The following NAA20 variants were observed in gnomAD, a reference collection of about 807,000 sequenced individuals.
The protein encoded by NAA20 is N-alpha-acetyltransferase 20, NatB catalytic subunit.
NAA20 carries 24 observed loss-of-function variants against 23.8 expected under a neutral mutation model. The observed-to-expected ratio is 1.01, with a 90% CI of 0.73 to 1.42. The LOEUF is 1.42. Among genes scored for constraint, NAA20 ranks in the 40% most tolerant of loss-of-function variants. NAA20 has a pLI of 0.00. For synonymous variants in NAA20, 83 were observed against 77.7 expected (o/e 1.07, Z -0.36); for missense variants, 166 against 223.1 (o/e 0.74, Z 1.63).
rs531623994 is a variant in NAA20 at position 20,021,808 on chromosome 20, G to C, written c.54-648G>C. On this transcript the variant is annotated intron_variant, in intron 1 of 5. Coordinates refer to ENST00000334982, the MANE Select transcript of NAA20 (RefSeq NM_016100.5). ...ATAGTGGCTCCATTAATTGACTAGGGAAGTGAGGGGATGGAGATGGGTTTT... is the reference window on the plus strand; with the variant it reads ...ATAGTGGCTCCATTAATTGACTAGGCAAGTGAGGGGATGGAGATGGGTTTT... Among the ~76,000 whole-genome samples, 148 of 152,324 alleles carry C rather than the reference G, an allele frequency of 9.7e-4. 3 individuals are homozygous for C. The South Asian group carries it at 0.029, about 30-fold the overall frequency.
At chr20:20,018,903 G>T in intron 1 of NAA20, 1 of 985,424 alleles carries the variant, frequency 1.0e-6, no homozygotes, top group Non-Finnish European at 1.2e-6. Flanking sequence ...TTCATCCAAG[G>T]ATATTGGCTC....
At chr20:20,032,251 A>G (rs2043348876) in intron 4 of NAA20, among the ~76,000 whole-genome samples, 1 of 151,848 alleles carries the variant, frequency 6.6e-6, no homozygotes, top group African/African-American at 2.4e-5. Flanking sequence ...CCTTGAGTTT[A>G]TCTTTTAAGA....
intron 1 of NAA20, chr20:20,018,040 T>C (rs1892958030): frequency 6.2e-7 from 1 of 1,614,204 alleles, no homozygotes; most frequent in Non-Finnish European, 8.5e-7. Context: ...GTCTCAGTCA[T>C]GGTTAGTGTT....
chr20:20,021,865 A>G (rs1401710097), intron 1 of NAA20, among the ~76,000 whole-genome samples: 1 of 152,170 alleles, frequency 6.6e-6, no homozygotes, highest in Non-Finnish European at 1.5e-5. Flanking sequence ...GTGTGCTGGG[A>G]TGTGCTGGTG....
rs951706514 is a variant in NAA20 at position 20,032,662 on chromosome 20, C to T, written c.451+9C>T. ...TGATGAGGACGCTTATGGTAAGCTC[C>T]CTTCCATGGCAGTATCCCCAAGAAG... On this transcript the variant is annotated intron_variant, in intron 5 of 5. Coordinates refer to ENST00000334982, the MANE Select transcript of NAA20 (RefSeq NM_016100.5). 2 of 1,576,272 alleles carry T rather than the reference C, an allele frequency of 1.3e-6. No homozygotes were observed. Among genetic ancestry groups the T allele is most frequent in the African/African-American group, 2.7e-5 (2 of 73,590 alleles).
At chr20:20,017,569 GAACCA>G in intron 1 of NAA20, 120 bp downstream of exon 1, 1 of 1,387,572 alleles carries the variant, frequency 7.2e-7, no homozygotes, top group East Asian at 2.8e-5. Flanking sequence ...GGACCCGCGA[GAACCA>G]CCCCCCGCCG....
chr20:20,032,960 G>C (rs2043358147), intron 5 of NAA20, 142 bp from the exon 6 acceptor site: 6 of 724,226 alleles, frequency 8.3e-6, no homozygotes, highest in Admixed American at 5.4e-5. Context: ...TGGCAATTGG[G>C]AGACATTTAT....
upstream of NAA20, chr20:20,017,334 G>T: frequency 1.2e-6 from 2 of 1,601,900 alleles, no homozygotes; most frequent in Non-Finnish European, 1.7e-6. Context: ...CACGCTCCGG[G>T]AGACTTCCGG....
chr20:20,032,995 T>C (rs896497094), intron 5 of NAA20, 107 bp from the exon 6 acceptor site: 15 of 881,870 alleles, frequency 1.7e-5, no homozygotes, highest in African/African-American at 1.2e-4. Flanking sequence ...TAGAATATGG[T>C]GAAGTGGGGG....
intron 1 of NAA20, among the ~76,000 whole-genome samples, chr20:20,021,032 G>A (rs1402529242): frequency 7.5e-5 from 8 of 106,942 alleles, no homozygotes; most frequent in African/African-American, 1.9e-4. Context: ...GCGTGGGTTC[G>A]GTGGGCGGGG....
chr20:20,028,773 A>G lies in NAA20; in HGVS notation c.305+1854A>G, dbSNP rs2043323429. Among the ~76,000 whole-genome samples the G allele has an allele frequency of 2.0e-5, 3 of 152,354 alleles. No homozygotes were observed. In the South Asian group the frequency reaches 6.2e-4, roughly 32 times the overall value. ...CATTAAAAATAGAAACCAAACAAGT[A>G]GAGGAGAAGAAAAATTGAATGATAG... is the stretch of plus-strand genomic sequence containing the variant. On this transcript the variant is annotated intron_variant, in intron 4 of 5. Transcript: ENST00000334982.
At position 20,033,200 on chromosome 20, in the gene NAA20, G is replaced by A. The variant is rs2043361182; in HGVS notation, c.*13G>A. ...AGACATTGAATAACCCTGGGCAGTG[G>A]TTCTTAGGCAGATACTCTAGATGCT... On this transcript the variant is annotated 3_prime_UTR_variant, in exon 6 of 6. Coordinates refer to ENST00000334982, the MANE Select transcript of NAA20 (RefSeq NM_016100.5). The A allele has an allele frequency of 1.3e-6, 2 of 1,585,138 alleles. No individual in the cohort carries two copies. The highest frequency in any genetic ancestry group is 1.1e-5 in the South Asian group (1 of 90,072).
rs1028932893 is a variant in NAA20 at position 20,017,549 on chromosome 20, G to A, written c.53+100G>A. Reference sequence around the variant, plus strand: ...CCGCGCCTTCCCGGCCGGACCCCAAGCCCGGACGGGGACCCGCGAGAACCA... The same window carrying A: ...CCGCGCCTTCCCGGCCGGACCCCAAACCCGGACGGGGACCCGCGAGAACCA... On this transcript the variant is annotated intron_variant, in intron 1 of 5. Transcript: ENST00000334982. The A allele has an allele frequency of 4.1e-6, 6 of 1,452,546 alleles. No individual in the cohort carries two copies. The East Asian group carries it at 1.3e-4, about 33-fold the overall frequency. 90.0% of individuals were successfully genotyped at this position (1,452,546 alleles called of 1,614,324 possible). A position where few individuals can be genotyped will look rare whatever the true frequency, so the allele number is the denominator to read the frequency against.
chr20:20,020,734 A>G (rs1294671664), intron 1 of NAA20, among the ~76,000 whole-genome samples: 2 of 152,216 alleles, frequency 1.3e-5, no homozygotes, highest in Non-Finnish European at 2.9e-5. Context: ...GTTCAAGTAA[A>G]GGAGACCGTG....
chr20:20,031,711 A>G (rs1294712828), intron 4 of NAA20, among the ~76,000 whole-genome samples: 1 of 152,216 alleles, frequency 6.6e-6, no homozygotes, highest in Admixed American at 6.5e-5. Context: ...AGCGGGGGAA[A>G]AATTGTATGA....
intron 4 of NAA20, among the ~76,000 whole-genome samples, chr20:20,027,727 C>G (rs985413086): frequency 6.6e-6 from 1 of 150,624 alleles, no homozygotes; most frequent in African/African-American, 2.5e-5. Context: ...CCTGAGTGCA[C>G]AGTTTGCGAA....
intron 3 of NAA20, 46 bp from the exon 4 acceptor site, chr20:20,026,738 A>G (rs147711232): frequency 6.2e-7 from 1 of 1,605,878 alleles, no homozygotes; most frequent in African/African-American, 1.3e-5. Flanking sequence ...ATTTATGTGT[A>G]AATCAATGTC....
chr20:20,019,759 A>AT (rs1568744714), intron 1 of NAA20, among the ~76,000 whole-genome samples: 1 of 151,914 alleles, frequency 6.6e-6, no homozygotes, highest in Admixed American at 6.6e-5. Flanking sequence ...TAATTTTTAA[A>AT]TTTTTTTGTG....
At chr20:20,029,049 C>T (rs1016772946) in intron 4 of NAA20, among the ~76,000 whole-genome samples, 2 of 152,172 alleles carry the variant, frequency 1.3e-5, no homozygotes, top group Middle Eastern at 3.4e-3. Flanking sequence ...CCTCTCTCAC[C>T]CTCTGAGTAG....
Sources: allele counts gnomAD v4.1 joint callset (sites outside exome capture counted in the v4.1 genomes callset), GRCh38; gene constraint gnomAD v4.1.1; transcripts MANE v1.5; gene names NCBI Gene and HGNC (gene_info 2026-07-23, HGNC 2026-07-21).